The following ZNF148 variants were observed in gnomAD, a reference collection of about 807,000 sequenced individuals.
ZNF148 encodes the protein Beta-Enolase Repressor Factor-1.
Under a neutral mutation model 67.7 loss-of-function variants are expected in ZNF148, and 7 were observed. The ratio of observed to expected loss-of-function variants is 0.10; its 90% CI spans 0.06 to 0.19. ZNF148 has a LOEUF of 0.19. Among genes scored for constraint, ZNF148 ranks in the 10% least tolerant of loss-of-function variants. The pLI is 1.00. For missense variants in ZNF148, 583 were observed against 947.1 expected (o/e 0.62, Z 5.05); for synonymous variants, 333 against 330.7 (o/e 1.01, Z -0.08).
chr3:125,356,037 GA>G (rs1470839338), intron 1 of ZNF148, among the ~76,000 whole-genome samples: 5 of 152,060 alleles, frequency 3.3e-5, no homozygotes, highest in Non-Finnish European at 7.4e-5. Flanking sequence ...ACACTCGCAT[GA>G]AAAATATATC....
chr3:125,265,096 A>C (rs1937506170), intron 7 of ZNF148, among the ~76,000 whole-genome samples: 1 of 152,260 alleles, frequency 6.6e-6, no homozygotes. Context: ...ACAAGGTGGA[A>C]AATGAACAAA....
chr3:125,289,978 T>C (rs1258797628), intron 4 of ZNF148, among the ~76,000 whole-genome samples: 1 of 152,138 alleles, frequency 6.6e-6, no homozygotes, highest in Non-Finnish European at 1.5e-5. Context: ...AGTACCCTCA[T>C]GCTTATTTGC....
chr3:125,365,477 A>C (rs1942673966), intron 1 of ZNF148, among the ~76,000 whole-genome samples: 1 of 152,162 alleles, frequency 6.6e-6, no homozygotes, highest in Non-Finnish European at 1.5e-5. Flanking sequence ...CTACCCAAAA[A>C]TATAATCCAA....
intron 1 of ZNF148, among the ~76,000 whole-genome samples, chr3:125,335,728 T>C (rs1941462731): frequency 6.6e-6 from 1 of 152,236 alleles, no homozygotes; most frequent in Non-Finnish European, 1.5e-5. Context: ...GCTTCTTTCG[T>C]ATTTTCAAAT....
chr3:125,334,738 A>G (rs1178614138), intron 1 of ZNF148, among the ~76,000 whole-genome samples: 1 of 152,180 alleles, frequency 6.6e-6, no homozygotes. Flanking sequence ...AACTCCTTAT[A>G]AGGGTCTACA....
At chr3:125,239,024 T>G (rs1936223981) in intron 7 of ZNF148, among the ~76,000 whole-genome samples, 1 of 152,240 alleles carries the variant, frequency 6.6e-6, no homozygotes, top group Non-Finnish European at 1.5e-5. Flanking sequence ...AAATGTGGAA[T>G]GATTCTGCTT....
At chr3:125,263,010 C>A (rs7637986) in intron 7 of ZNF148, among the ~76,000 whole-genome samples, 1 of 152,124 alleles carries the variant, frequency 6.6e-6, no homozygotes, top group African/African-American at 2.4e-5. Flanking sequence ...TCCCACCATT[C>A]GCTGTAACAC....
intron 4 of ZNF148, chr3:125,292,785 G>C (rs562106153): frequency 5.9e-5 from 9 of 152,154 alleles, no homozygotes; most frequent in Non-Finnish European, 1.2e-4. Context: ...TGCCCTTTCA[G>C]GTCATTCATG....
chr3:125,340,924 C>T (rs1381812313), intron 1 of ZNF148, among the ~76,000 whole-genome samples: 13 of 133,706 alleles, frequency 9.7e-5, no homozygotes, highest in Non-Finnish European at 1.2e-4. Flanking sequence ...GGAGGCGGAG[C>T]TTGCAGTGAG....
At chr3:125,353,925 AAGAG>A (rs1171817537) in intron 1 of ZNF148, among the ~76,000 whole-genome samples, 1 of 152,196 alleles carries the variant, frequency 6.6e-6, no homozygotes, top group Non-Finnish European at 1.5e-5. Context: ...AAACTAAAAA[AAGAG>A]AGAGGAGAGA....
chr3:125,303,706 T>C (rs1939721354), intron 4 of ZNF148, among the ~76,000 whole-genome samples: 1 of 151,874 alleles, frequency 6.6e-6, no homozygotes, highest in Admixed American at 6.6e-5. Flanking sequence ...AATTACTTCA[T>C]TATATATTAT....
intron 3 of ZNF148, among the ~76,000 whole-genome samples, chr3:125,321,629 A>G (rs1414687442): frequency 6.6e-6 from 1 of 152,160 alleles, no homozygotes; most frequent in African/African-American, 2.4e-5. Flanking sequence ...AAATCCAAAC[A>G]GTTTAAGAAA....
chr3:125,340,685 A>G (rs1024895395), intron 1 of ZNF148, among the ~76,000 whole-genome samples: 4 of 152,202 alleles, frequency 2.6e-5, no homozygotes, highest in Admixed American at 2.6e-4. Flanking sequence ...TCCTAAGGTA[A>G]CAGATAAAAT....
intron 7 of ZNF148, among the ~76,000 whole-genome samples, chr3:125,256,568 C>T (rs536752893): frequency 3.3e-5 from 5 of 152,150 alleles, no homozygotes; most frequent in East Asian, 3.9e-4. Flanking sequence ...CCCAGCTACT[C>T]GGGAGGCTCA....
chr3:125,371,052 A>C (rs1053209286), intron 1 of ZNF148, among the ~76,000 whole-genome samples: 18 of 152,116 alleles, frequency 1.2e-4, no homozygotes, highest in African/African-American at 4.3e-4. Flanking sequence ...CCTCCTAAAA[A>C]TAAAAACATA....
At chr3:125,335,352 AATCAC>A (rs1365191457) in intron 1 of ZNF148, among the ~76,000 whole-genome samples, 1 of 152,198 alleles carries the variant, frequency 6.6e-6, no homozygotes, top group Non-Finnish European at 1.5e-5. Flanking sequence ...CTAATTATGG[AATCAC>A]AGATAACAAA....
intron 1 of ZNF148, among the ~76,000 whole-genome samples, chr3:125,348,682 G>A (rs565924065): frequency 1.3e-5 from 2 of 152,060 alleles, no homozygotes; most frequent in African/African-American, 2.4e-5. Context: ...TACTCACAGC[G>A]ATGTACAGAT....
intron 3 of ZNF148, 34 bp from the exon 4 acceptor site, chr3:125,313,690 A>T (rs1443833322): frequency 6.6e-7 from 1 of 1,520,050 alleles, no homozygotes; most frequent in East Asian, 2.3e-5. Context: ...AAACATAGTA[A>T]ATTAGTTTTA....
At chr3:125,371,691 C>T (rs541886067) in intron 1 of ZNF148, among the ~76,000 whole-genome samples, 104 of 149,378 alleles carry the variant, frequency 7.0e-4, no homozygotes, top group Non-Finnish European at 1.2e-3. Context: ...TGCCACAGAA[C>T]CCTAGAAAAA....
Sources: gnomAD v4.1 joint callset for allele counts (sites outside exome capture counted in the v4.1 genomes callset) on GRCh38, gnomAD v4.1.1 for gene constraint, MANE v1.5 for transcripts, NCBI Gene and HGNC (gene_info 2026-07-23, HGNC 2026-07-21) for gene names.